The following SUPT6H variants were observed in gnomAD, a reference collection of about 807,000 sequenced individuals.
SUPT6H encodes SPT6 homolog, histone chaperone and transcription elongation factor, also known as transcription elongation factor SPT6.
In SUPT6H, 11 loss-of-function variants were observed where a neutral mutation model predicts 222.3. That is an observed-to-expected ratio of 0.05 (90% CI 0.03 to 0.08). The LOEUF (loss-of-function observed/expected upper bound fraction) is 0.08, where lower values mean the gene tolerates loss of function less well. Among genes scored for constraint, SUPT6H ranks in the 10% least tolerant of loss-of-function variants. The pLI, the probability that SUPT6H is intolerant of heterozygous loss-of-function variation, is 1.00. For synonymous variants in SUPT6H, 762 were observed against 801.2 expected (o/e 0.95, Z 0.83); for missense variants, 1,422 against 2,216.0 (o/e 0.64, Z 7.19).
In SUPT6H at chr17:28,678,066, C is replaced by A; in HGVS notation, c.1000-10C>A. The A allele has an allele frequency of 1.2e-6, 2 of 1,611,448 alleles. No homozygotes were observed. The highest frequency in any genetic ancestry group is 1.7e-6 in the Non-Finnish European group (2 of 1,178,010). On this transcript the variant is annotated splice_polypyrimidine_tract_variant and intron_variant, in intron 8 of 36. Transcript: ENST00000314616. Reference sequence around the variant, plus strand: ...CATTGTCTTGCTATTTCTTTATTTTCCTACTGTAGGAAAGCTGTGATTACC... The same window carrying A: ...CATTGTCTTGCTATTTCTTTATTTTACTACTGTAGGAAAGCTGTGATTACC...
intron 2 of SUPT6H, 121 bp downstream of exon 2, chr17:28,673,631 G>A (rs1217094974): frequency 1.4e-6 from 1 of 720,308 alleles, no homozygotes; most frequent in East Asian, 2.7e-5. Context: ...ACCAGCTTGA[G>A]AACTTTCAGT....
intron 33 of SUPT6H, 50 bp from the exon 34 acceptor site, chr17:28,700,123 A>G (rs1352247882): frequency 1.2e-6 from 2 of 1,613,108 alleles, no homozygotes; most frequent in Middle Eastern, 1.7e-4. Flanking sequence ...GAATTGGGAA[A>G]CCAAAAATAG....
intron 32 of SUPT6H, 87 bp downstream of exon 32, chr17:28,698,117 G>A: frequency 2.7e-6 from 4 of 1,487,276 alleles, no homozygotes; most frequent in Non-Finnish European, 3.6e-6. Flanking sequence ...TGCCCTCTCT[G>A]GCTCTGCTGG....
intron 23 of SUPT6H, 133 bp downstream of exon 23, chr17:28,687,604 G>A (rs2031451451): frequency 2.0e-6 from 2 of 1,009,748 alleles, no homozygotes; most frequent in Non-Finnish European, 2.8e-6. Context: ...CAGCTAGTGA[G>A]AGTCAAAAGA....
intron 21 of SUPT6H, 138 bp from the exon 22 acceptor site, chr17:28,686,950 C>G: frequency 6.7e-7 from 1 of 1,484,836 alleles, no homozygotes; most frequent in South Asian, 1.3e-5. Flanking sequence ...GATTGGGAGT[C>G]CCAGAAATTA....
In SUPT6H at chr17:28,673,465, G is replaced by T. The variant is rs758006296; in HGVS notation, c.64G>T (p.Val22Leu). Residue 22 changes from valine (V) to leucine (L), a missense_variant, in exon 2 of 37, where the codon GTG (valine) becomes TTG (leucine). This residue lies in a region of SUPT6H where 89 missense variants were observed against 118.9 expected (regional missense o/e 0.75). Coordinates refer to ENST00000314616, the MANE Select transcript of SUPT6H (RefSeq NM_003170.5). ...SEEEYNDEGE[V>L]VPRVTKKFVE... ...GGAAGAATACAATGATGAAGGCGAGGTGGTACCCCGAGTCACCAAGAAATT... is the reference window on the plus strand; with the variant it reads ...GGAAGAATACAATGATGAAGGCGAGTTGGTACCCCGAGTCACCAAGAAATT... 1 of 1,613,896 alleles carries T rather than the reference G, an allele frequency of 6.2e-7. No individual in the cohort carries two copies. Among genetic ancestry groups the T allele is most frequent in the Non-Finnish European group, 8.5e-7 (1 of 1,180,028 alleles).
Position 28,689,481 on chromosome 17 carries a change from GC to G in SUPT6H, c.3265del (p.Glu1090LysfsTer10). ...AGCCGAGGATGCCAATCCTGCAGGA[GC>G]CCTTGAAGAAATCTTGGAAAACCCA... ...ESAEDANPAGALEEILENPER... is the reference protein window; with the variant it reads ...ESAEDANPAGXLEEILENPER... On this transcript the variant is annotated frameshift_variant, in exon 25 of 37. Transcript: ENST00000314616. LOFTEE classifies it high-confidence loss of function. The G allele has an allele frequency of 6.2e-7, 1 of 1,614,216 alleles. No homozygotes were observed. Among genetic ancestry groups the G allele is most frequent in the Non-Finnish European group, 8.5e-7 (1 of 1,180,046 alleles).
chr17:28,666,858 A>G (rs371197205), intron 1 of SUPT6H, among the ~76,000 whole-genome samples: 1 of 152,222 alleles, frequency 6.6e-6, no homozygotes, highest in African/African-American at 2.4e-5. Context: ...CGCCCAGCCG[A>G]ATAAATAATA....
chr17:28,701,716 T>C lies in SUPT6H; in HGVS notation c.*91T>C. ...CTCCCTGCCCCTCCTTTTATGTCCATAAAGTGGCGTGAAGTGAGACGTTCT... is the reference window on the plus strand; with the variant it reads ...CTCCCTGCCCCTCCTTTTATGTCCACAAAGTGGCGTGAAGTGAGACGTTCT... On this transcript the variant is annotated 3_prime_UTR_variant, in exon 37 of 37. Coordinates refer to ENST00000314616, the MANE Select transcript of SUPT6H (RefSeq NM_003170.5). The C allele has an allele frequency of 7.3e-7, 1 of 1,375,230 alleles. No individual in the cohort carries two copies. Among genetic ancestry groups the C allele is most frequent in the South Asian group, 1.4e-5 (1 of 73,988 alleles). The allele number at this position is 1,375,230 out of a possible 1,614,324, so 85.2% of individuals were successfully genotyped here.
chr17:28,698,432 G>A (rs1397918859), intron 32 of SUPT6H, among the ~76,000 whole-genome samples: 3 of 152,222 alleles, frequency 2.0e-5, no homozygotes, highest in East Asian at 1.9e-4. Flanking sequence ...CACTCCGCCC[G>A]CACTGAAGCG....
intron 11 of SUPT6H, among the ~76,000 whole-genome samples, chr17:28,680,897 T>C (rs1173524268): frequency 6.6e-6 from 1 of 152,234 alleles, no homozygotes; most frequent in Non-Finnish European, 1.5e-5. Flanking sequence ...TCCCTCCGCC[T>C]TGGCCTTCCA....
chr17:28,666,894 T>C lies in SUPT6H; in HGVS notation c.-32+4552T>C, dbSNP rs115895365. On this transcript the variant is annotated intron_variant, in intron 1 of 36. Coordinates refer to ENST00000314616, the MANE Select transcript of SUPT6H (RefSeq NM_003170.5). ...TTTTTAAATGAACAAAATTAACTTTTTCTGTATTTTAACATCTTGACTTCA... is the reference window on the plus strand; with the variant it reads ...TTTTTAAATGAACAAAATTAACTTTCTCTGTATTTTAACATCTTGACTTCA... 7.0e-3 allele frequency among the ~76,000 whole-genome samples: 1,063 copies of C among 152,308 alleles called. 8 individuals are homozygous for C. The highest frequency in any genetic ancestry group is 0.021 in the African/African-American group (892 of 41,556).
chr17:28,669,009 T>C (rs2030256001), intron 1 of SUPT6H, among the ~76,000 whole-genome samples: 1 of 152,228 alleles, frequency 6.6e-6, no homozygotes, highest in African/African-American at 2.4e-5. Context: ...CTCAACTTTT[T>C]GGACTCAGGA....
intron 1 of SUPT6H, among the ~76,000 whole-genome samples, chr17:28,667,370 CAAAAAAAAA>C (rs546020183): frequency 1.6e-4 from 1 of 6,236 alleles, no homozygotes; most frequent in Non-Finnish European, 3.5e-4. Context: ...GACTCCGTCT[CAAAAAAAAA>C]AAAAAAAAAA....
intron 1 of SUPT6H, among the ~76,000 whole-genome samples, chr17:28,662,966 T>C (rs191424004): frequency 6.6e-6 from 1 of 152,320 alleles, no homozygotes; most frequent in East Asian, 1.9e-4. Context: ...CTCCATCTTC[T>C]AGTTTCTACC....
At position 28,689,361 on chromosome 17, in the gene SUPT6H, T is replaced by A; in HGVS notation, c.3142T>A (p.Ser1048Thr). Residue 1048 changes from serine (S) to threonine (T), a missense_variant, in exon 25 of 37, where the codon TCA (serine) becomes ACA (threonine). Physicochemically the swap from Ser to Thr is moderately conservative, Grantham distance 58. Transcript: ENST00000314616. ...TTTCTGCCTTTCCTCCAGCACTGAC[T>A]CATATATTGAAGTCCTTGATGGTTC... The part of the protein sequence containing the change: ...DTASLGDSTD[S>T]YIEVLDGSRV... 2 of 1,614,180 alleles carry A rather than the reference T, an allele frequency of 1.2e-6. No homozygotes were observed. The highest frequency in any genetic ancestry group is 2.2e-5 in the South Asian group (2 of 91,082).
intron 20 of SUPT6H, 108 bp downstream of exon 20, chr17:28,686,523 A>G (rs1435547157): frequency 6.5e-7 from 1 of 1,532,948 alleles, no homozygotes; most frequent in Admixed American, 1.9e-5. Flanking sequence ...TTGTGCAGGG[A>G]GTGTCCCTGG....
intron 29 of SUPT6H, among the ~76,000 whole-genome samples, chr17:28,696,147 C>T (rs1207467414): frequency 1.3e-5 from 2 of 150,866 alleles, no homozygotes; most frequent in Non-Finnish European, 3.0e-5. Context: ...CTCTACCAAA[C>T]GTACAAAAAC....
At chr17:28,686,814 G>A (rs1349277577) in intron 21 of SUPT6H, 25 bp downstream of exon 21, 1 of 1,566,192 alleles carries the variant, frequency 6.4e-7, no homozygotes, top group South Asian at 1.2e-5. Context: ...TCACCCTTAG[G>A]GCCTGCCCAG....
Sources: allele counts gnomAD v4.1 joint callset (sites outside exome capture counted in the v4.1 genomes callset), GRCh38; gene constraint gnomAD v4.1.1; regional missense constraint gnomAD v4.1.1; transcripts MANE v1.5; gene names NCBI Gene and HGNC (gene_info 2026-07-23, HGNC 2026-07-21).